DCC: variants seen among roughly 807,000 people sequenced by gnomAD.
The protein encoded by DCC is DCC netrin 1 receptor.
In DCC, 58 loss-of-function variants were observed where a neutral mutation model predicts 172.5. The observed-to-expected ratio is 0.34, with a 90% CI of 0.27 to 0.42. The LOEUF (loss-of-function observed/expected upper bound fraction) is 0.42. Ranked by LOEUF, DCC falls within the 10% of genes least tolerant of loss-of-function variation. DCC has a pLI of 1.00. For synonymous variants in DCC, 709 were observed against 644.5 expected (o/e 1.10, Z -1.52); for missense variants, 1,740 against 1,791.0 (o/e 0.97, Z 0.51).
intron 7 of DCC, among the ~76,000 whole-genome samples, chr18:53,148,228 C>T (rs942412132): frequency 6.6e-5 from 10 of 152,256 alleles, no homozygotes; most frequent in East Asian, 1.9e-4. Flanking sequence ...GTTCTTTAGA[C>T]GTTCTTCACC....
At chr18:52,557,204 G>C (rs1145284) in intron 1 of DCC, among the ~76,000 whole-genome samples, 36,907 of 152,096 alleles carry the variant, frequency 0.24, 4,607 homozygotes, top group African/African-American at 0.29. Context: ...AGTTAACAAA[G>C]TATGTTAGTG....
chr18:53,372,976 C>T (rs1473748832), intron 15 of DCC, among the ~76,000 whole-genome samples: 1 of 152,156 alleles, frequency 6.6e-6, no homozygotes, highest in Admixed American at 6.6e-5. Flanking sequence ...CTTCTTCCCA[C>T]TTCTCACTAA....
intron 12 of DCC, among the ~76,000 whole-genome samples, chr18:53,237,921 A>G (rs1399479363): frequency 1.3e-5 from 2 of 152,166 alleles, no homozygotes; most frequent in Non-Finnish European, 2.9e-5. Flanking sequence ...GAAAACAAAG[A>G]CCTTAGCACA....
chr18:52,629,676 C>T (rs947214983), intron 1 of DCC, among the ~76,000 whole-genome samples: 1 of 151,952 alleles, frequency 6.6e-6, no homozygotes, highest in Non-Finnish European at 1.5e-5. Context: ...TTAGTCCGGG[C>T]GCGGTGGCTC....
chr18:53,521,394 A>G (rs769723510), intron 27 of DCC, among the ~76,000 whole-genome samples: 6 of 152,134 alleles, frequency 3.9e-5, no homozygotes, highest in Non-Finnish European at 8.8e-5. Context: ...CACATAGTGC[A>G]ATACACCTAA....
At chr18:52,521,969 AT>A (rs930451952) in intron 1 of DCC, among the ~76,000 whole-genome samples, 9 of 152,326 alleles carry the variant, frequency 5.9e-5, no homozygotes, top group South Asian at 4.1e-4. Context: ...GCCTAAAAAA[AT>A]AATCCTCAAT....
chr18:52,927,146 T>C lies in DCC; in HGVS notation c.985+1776T>C, dbSNP rs1433831906. ...ATATACACGTATATACGTGTATATA[T>C]GTGTATATATACGTATATATGTGTA... is the stretch of plus-strand genomic sequence containing the variant. On this transcript the variant is annotated intron_variant, in intron 5 of 28. Coordinates refer to ENST00000442544, the MANE Select transcript of DCC (RefSeq NM_005215.4). Among the ~76,000 whole-genome samples, 419 of 59,084 alleles carry C rather than the reference T, an allele frequency of 7.1e-3. 70 individuals carry two copies. The highest frequency in any genetic ancestry group is 0.023 in the African/African-American group (386 of 16,510). The allele number at this position is 59,084 out of a possible 152,430, so 38.8% of individuals were successfully genotyped here. A position where few individuals can be genotyped will look rare whatever the true frequency, so the allele number is the denominator to read the frequency against.
chr18:53,472,746 T>A (rs1043841834), intron 25 of DCC, among the ~76,000 whole-genome samples: 1 of 152,130 alleles, frequency 6.6e-6, no homozygotes, highest in African/African-American at 2.4e-5. Context: ...TCTTCCAGAC[T>A]CTTAGGCATC....
intron 3 of DCC, among the ~76,000 whole-genome samples, chr18:52,917,007 G>T (rs1292966399): frequency 6.6e-6 from 1 of 150,470 alleles, no homozygotes; most frequent in African/African-American, 2.4e-5. Flanking sequence ...AATAGACTGG[G>T]CACAGTGGCT....
intron 18 of DCC, among the ~76,000 whole-genome samples, 172 bp downstream of exon 18, chr18:53,397,618 G>GA (rs1453574362): frequency 4.6e-5 from 7 of 152,006 alleles, no homozygotes; most frequent in African/African-American, 1.7e-4. Context: ...CCTCACACTA[G>GA]AAAAAACATG....
chr18:53,195,199 G>GT (rs2055425566), intron 9 of DCC, among the ~76,000 whole-genome samples: 1 of 152,090 alleles, frequency 6.6e-6, no homozygotes, highest in Non-Finnish European at 1.5e-5. Flanking sequence ...TACCTGAAAT[G>GT]TTTTTTAAAA....
At chr18:53,336,026 A>C (rs984040267) in intron 14 of DCC, among the ~76,000 whole-genome samples, 2 of 152,154 alleles carry the variant, frequency 1.3e-5, no homozygotes, top group African/African-American at 4.8e-5. Context: ...TGTGACACCT[A>C]CAATTCAAGA....
At chr18:53,446,496 C>T (rs1180766660) in intron 22 of DCC, among the ~76,000 whole-genome samples, 7 of 152,176 alleles carry the variant, frequency 4.6e-5, no homozygotes, top group Non-Finnish European at 1.0e-4. Flanking sequence ...TGGAGCCAGC[C>T]TGTCTCCCAG....
At chr18:52,794,514 A>G (rs2037835466) in intron 2 of DCC, among the ~76,000 whole-genome samples, 1 of 151,998 alleles carries the variant, frequency 6.6e-6, no homozygotes, top group East Asian at 1.9e-4. Flanking sequence ...AGTTTACTGA[A>G]TTTATCAGTT....
chr18:53,398,630 G>A (rs1417423094), intron 18 of DCC, among the ~76,000 whole-genome samples: 1 of 152,082 alleles, frequency 6.6e-6, no homozygotes, highest in African/African-American at 2.4e-5. Context: ...AAGAGAAGTA[G>A]TAGTATTTTC....
Position 52,907,348 on chromosome 18 carries a change from C to T in DCC, c.697+1020C>T, listed in dbSNP as rs896072429. The stretch of plus-strand genomic sequence containing the variant: ...TATCCATATGGATATATACATATAT[C>T]ATGTATATATGAATGATATATATCA... On this transcript the variant is annotated intron_variant, in intron 3 of 28. Transcript: ENST00000442544. Among the ~76,000 whole-genome samples, 3 of 126,500 alleles carry T rather than the reference C, an allele frequency of 2.4e-5. No homozygotes were observed. The Admixed American group carries it at 2.5e-4, about 11-fold the overall frequency. The allele number at this position is 126,500 out of a possible 152,430, so 83.0% of individuals were successfully genotyped here. A position where few individuals can be genotyped will look rare whatever the true frequency, so the allele number is the denominator to read the frequency against.
At chr18:52,598,393 T>C (rs1001112237) in intron 1 of DCC, among the ~76,000 whole-genome samples, 1 of 152,050 alleles carries the variant, frequency 6.6e-6, no homozygotes, top group Non-Finnish European at 1.5e-5. Flanking sequence ...AGGAATGAGG[T>C]AGGTGGGTAA....
chr18:53,031,220 C>T (rs1235205935), intron 5 of DCC, among the ~76,000 whole-genome samples: 2 of 152,156 alleles, frequency 1.3e-5, no homozygotes, highest in South Asian at 2.1e-4. Flanking sequence ...GATTGTGCCA[C>T]TGCACTCCAG....
intron 7 of DCC, among the ~76,000 whole-genome samples, chr18:53,149,452 G>A (rs1209453631): frequency 6.6e-6 from 1 of 152,162 alleles, no homozygotes; most frequent in African/African-American, 2.4e-5. Context: ...AGAGTTTGGA[G>A]TAGGGAGCAA....
Sources: gnomAD v4.1 joint callset for allele counts (sites outside exome capture counted in the v4.1 genomes callset) on GRCh38, gnomAD v4.1.1 for gene constraint, MANE v1.5 for transcripts, NCBI Gene and HGNC (gene_info 2026-07-23, HGNC 2026-07-21) for gene names.